Variants in TSPAN9 observed in about 807,000 individuals in gnomAD.
The protein encoded by TSPAN9 is tetraspanin 9, also known as tetraspanin-9.
A neutral mutation model predicts 31.0 loss-of-function variants in TSPAN9; 16 were observed. That is an observed-to-expected ratio of 0.52 (90% CI 0.35 to 0.78). The LOEUF (loss-of-function observed/expected upper bound fraction) is 0.78. Ranked by LOEUF, TSPAN9 falls within the 30% of genes least tolerant of loss-of-function variation. The pLI, the probability that TSPAN9 is intolerant of heterozygous loss-of-function variation, is 0.01. For missense variants in TSPAN9, 272 were observed against 312.5 expected (o/e 0.87, Z 0.98); for synonymous variants, 145 against 121.6 (o/e 1.19, Z -1.27).
chr12:3,098,497 G>A (rs554619862), intron 2 of TSPAN9, among the ~76,000 whole-genome samples: 2 of 152,140 alleles, frequency 1.3e-5, no homozygotes, highest in African/African-American at 2.4e-5. Context: ...GAACAAGGTG[G>A]TTCATCCTTG....
chr12:3,193,171 C>G (rs1018055769), intron 2 of TSPAN9, among the ~76,000 whole-genome samples: 4 of 151,896 alleles, frequency 2.6e-5, no homozygotes, highest in African/African-American at 9.7e-5. Flanking sequence ...AGTGTTCCCC[C>G]TTTGTTATTT....
intron 2 of TSPAN9, among the ~76,000 whole-genome samples, chr12:3,195,316 C>T (rs2081920613): frequency 6.6e-6 from 1 of 152,202 alleles, no homozygotes; most frequent in South Asian, 2.1e-4. Flanking sequence ...GCATTTACTC[C>T]AAAGCCCACA....
chr12:3,086,575 G>A (rs1412901048), intron 2 of TSPAN9, among the ~76,000 whole-genome samples: 5 of 151,498 alleles, frequency 3.3e-5, no homozygotes, highest in Admixed American at 6.6e-5. Context: ...CAGGGGGTCC[G>A]AAGAGTCAGG....
chr12:3,279,072 C>G lies in TSPAN9; in HGVS notation c.330+6C>G. On this transcript the variant is annotated splice_donor_region_variant and intron_variant, in intron 5 of 8. Coordinates refer to ENST00000011898, the MANE Select transcript of TSPAN9 (RefSeq NM_006675.5). The stretch of plus-strand genomic sequence containing the variant: ...TCTTTGTCTACATGGACAAGGTAAG[C>G]CTTACCAGATGGGAGGGGGCATATG... 1 of 1,613,422 alleles carries G rather than the reference C, an allele frequency of 6.2e-7. No individual in the cohort carries two copies. Among genetic ancestry groups the G allele is most frequent in the Non-Finnish European group, 8.5e-7 (1 of 1,179,376 alleles).
rs765619360 is a variant in TSPAN9, at chr12:3,280,367, C to T, written c.331-15C>T. On this transcript the variant is annotated splice_polypyrimidine_tract_variant and intron_variant, in intron 5 of 8. Coordinates refer to ENST00000011898, the MANE Select transcript of TSPAN9 (RefSeq NM_006675.5). This position sits in a 1 kb window ranked among gnomAD's most constrained non-coding sequence, Gnocchi z 4.5. ...CCTGGTTCCAACCGTCTCACTGTGTCCCTCCGCCTGGCAGGTGAACGAGAA... is the reference window on the plus strand; with the variant it reads ...CCTGGTTCCAACCGTCTCACTGTGTTCCTCCGCCTGGCAGGTGAACGAGAA... 1.2e-6 allele frequency: 2 copies of T among 1,610,658 alleles called. No homozygotes were observed. The highest frequency in any genetic ancestry group is 8.5e-7 in the Non-Finnish European group (1 of 1,179,102).
intron 2 of TSPAN9, among the ~76,000 whole-genome samples, chr12:3,131,660 C>T (rs1257635346): frequency 6.6e-6 from 1 of 152,208 alleles, no homozygotes; most frequent in Non-Finnish European, 1.5e-5. Context: ...TGGGAACTTG[C>T]AGGACAGGTC....
At chr12:3,219,926 G>A (rs760064758) in intron 3 of TSPAN9, among the ~76,000 whole-genome samples, 16 of 151,732 alleles carry the variant, frequency 1.1e-4, no homozygotes, top group South Asian at 4.2e-4. Flanking sequence ...AGGCTGCGGC[G>A]GGCGGATCAC....
intron 3 of TSPAN9, among the ~76,000 whole-genome samples, chr12:3,210,133 CAAAAAAAAAA>C (rs61255920): frequency 7.1e-6 from 1 of 141,232 alleles, no homozygotes; most frequent in Non-Finnish European, 1.5e-5. Context: ...GACTCCGTCT[CAAAAAAAAAA>C]AAAAGAAAAA....
At chr12:3,273,774 C>T (rs1158927585) in intron 3 of TSPAN9, among the ~76,000 whole-genome samples, 3 of 152,168 alleles carry the variant, frequency 2.0e-5, no homozygotes, top group Non-Finnish European at 2.9e-5. Context: ...TCCTGACTTC[C>T]TGCCCTCCTG....
At chr12:3,189,595 A>C (rs1378780334) in intron 2 of TSPAN9, among the ~76,000 whole-genome samples, 1 of 152,014 alleles carries the variant, frequency 6.6e-6, no homozygotes, top group Non-Finnish European at 1.5e-5. Context: ...CTTTGAAAGC[A>C]CCTTTTGGGA....
intron 2 of TSPAN9, among the ~76,000 whole-genome samples, chr12:3,137,994 G>C (rs2098332890): frequency 1.3e-5 from 2 of 152,232 alleles, no homozygotes; most frequent in Non-Finnish European, 1.5e-5. Context: ...CGGGTGTCTG[G>C]GTCCCGCTGT....
chr12:3,230,844 G>A (rs1047719361), intron 3 of TSPAN9, among the ~76,000 whole-genome samples: 6 of 151,972 alleles, frequency 3.9e-5, no homozygotes, highest in African/African-American at 1.2e-4. Flanking sequence ...ACCTGTCCTC[G>A]GCCCCCCTGG....
chr12:3,132,817 G>T (rs768523256), intron 2 of TSPAN9, among the ~76,000 whole-genome samples: 1 of 152,034 alleles, frequency 6.6e-6, no homozygotes. Flanking sequence ...CTAGTGGACC[G>T]GTGGCTCTCA....
intron 3 of TSPAN9, among the ~76,000 whole-genome samples, chr12:3,213,847 GC>G (rs2098380044): frequency 6.6e-6 from 1 of 152,224 alleles, no homozygotes; most frequent in African/African-American, 2.4e-5. Flanking sequence ...GCAGGGAGGG[GC>G]TGGGCTGGGT....
rs1469841633 is a variant in TSPAN9, at chr12:3,283,608, C to T, written c.*492C>T. On this transcript the variant is annotated 3_prime_UTR_variant, in exon 9 of 9. Coordinates refer to ENST00000011898, the MANE Select transcript of TSPAN9 (RefSeq NM_006675.5). Reference sequence around the variant, plus strand: ...AGCATCTCGCCCAGGCTTTTTATACCTTACAATGTAACTTTTTTATTTTAT... The same window carrying T: ...AGCATCTCGCCCAGGCTTTTTATACTTTACAATGTAACTTTTTTATTTTAT... The T allele has an allele frequency of 6.5e-6, 1 of 154,360 alleles. No homozygotes were observed. The highest frequency in any genetic ancestry group is 1.9e-4 in the East Asian group (1 of 5,260). The allele number at this position is 154,360 out of a possible 1,614,324, so 9.6% of individuals were successfully genotyped here.
intron 3 of TSPAN9, among the ~76,000 whole-genome samples, chr12:3,231,432 A>G (rs1234653498): frequency 2.6e-5 from 4 of 152,216 alleles, no homozygotes; most frequent in Admixed American, 2.0e-4. Context: ...TCCAGGCTGG[A>G]CCTGGCCCCA....
intron 2 of TSPAN9, among the ~76,000 whole-genome samples, chr12:3,121,738 A>G (rs2098325248): frequency 6.6e-6 from 1 of 152,062 alleles, no homozygotes; most frequent in Non-Finnish European, 1.5e-5. Context: ...CCCGGTGGCA[A>G]CAATTGGCTG....
intron 2 of TSPAN9, among the ~76,000 whole-genome samples, chr12:3,186,897 G>C (rs988658674): frequency 6.6e-6 from 1 of 152,198 alleles, no homozygotes; most frequent in Non-Finnish European, 1.5e-5. Flanking sequence ...GAGGGAGGGA[G>C]ATGGGTTTGT....
At chr12:3,182,438 C>A (rs1465685813) in intron 2 of TSPAN9, among the ~76,000 whole-genome samples, 1 of 151,890 alleles carries the variant, frequency 6.6e-6, no homozygotes, top group African/African-American at 2.4e-5. Flanking sequence ...TTCTCTTTCT[C>A]TTCCTATGAC....
Sources: allele counts gnomAD v4.1 joint callset (sites outside exome capture counted in the v4.1 genomes callset), GRCh38; gene constraint gnomAD v4.1.1; non-coding constraint Gnocchi (gnomAD v3.1); transcripts MANE v1.5; gene names NCBI Gene and HGNC (gene_info 2026-07-23, HGNC 2026-07-21).